The following CCDC122 variants were observed in gnomAD, a reference collection of about 807,000 sequenced individuals.
CCDC122 encodes the protein coiled-coil domain containing 122.
CCDC122 carries 38 observed loss-of-function variants against 37.0 expected under a neutral mutation model. The observed-to-expected ratio is 1.03, with a 90% confidence interval of 0.79 to 1.35. The LOEUF is 1.35. CCDC122 is among the 40% of genes most tolerant of loss of function. CCDC122 has a pLI of 0.00. For synonymous variants in CCDC122, 83 were observed against 95.6 expected, an observed-to-expected ratio of 0.87 and a Z score of 0.77; for missense variants, 305 against 310.0, an observed-to-expected ratio of 0.98 and a Z score of 0.12.
chr13:43,830,124 C>G (rs1456517221), intron 3 of CCDC122, among the ~76,000 whole-genome samples: 1 of 152,164 alleles, frequency 6.6e-6, no homozygotes, highest in Admixed American at 6.5e-5. Flanking sequence ...GATCCACCTG[C>G]CTCAGCCTCC....
At chr13:43,840,178 T>C (rs1036532725) in intron 6 of CCDC122, among the ~76,000 whole-genome samples, 9 of 152,150 alleles carry the variant, frequency 5.9e-5, no homozygotes, top group African/African-American at 1.7e-4. Flanking sequence ...GACTCAAATA[T>C]AGATGTACAG....
intron 2 of CCDC122, among the ~76,000 whole-genome samples, chr13:43,869,895 C>T (rs1954392425): frequency 6.6e-6 from 1 of 151,992 alleles, no homozygotes; most frequent in African/African-American, 2.4e-5. Context: ...GGTGTGGAAT[C>T]CAGGAAATAT....
downstream of CCDC122, among the ~76,000 whole-genome samples, chr13:43,835,432 C>T (rs1953138404): frequency 1.3e-5 from 2 of 151,922 alleles, no homozygotes; most frequent in African/African-American, 2.4e-5. Context: ...GCACATTGTG[C>T]ACATGTACCC....
intron 4 of CCDC122, among the ~76,000 whole-genome samples, chr13:43,867,925 T>C (rs1486609575): frequency 6.6e-6 from 1 of 152,088 alleles, no homozygotes; most frequent in African/African-American, 2.4e-5. Flanking sequence ...CAATGTCAAA[T>C]AGGGCCCTAC....
chr13:43,819,378 G>T (rs543503815), downstream of CCDC122, among the ~76,000 whole-genome samples: 2 of 152,192 alleles, frequency 1.3e-5, no homozygotes, highest in African/African-American at 4.8e-5. Context: ...AGAAAATGAC[G>T]TTTTCATGAG....
At chr13:43,862,754 GCTAT>G (rs1241371363) in intron 4 of CCDC122, among the ~76,000 whole-genome samples, 2 of 152,086 alleles carry the variant, frequency 1.3e-5, no homozygotes, top group Non-Finnish European at 1.5e-5. Context: ...GTTACATCAG[GCTAT>G]CTATCAACTC....
chr13:43,831,029 G>A (rs1345984829), intron 3 of CCDC122, among the ~76,000 whole-genome samples: 2 of 152,070 alleles, frequency 1.3e-5, no homozygotes, highest in Non-Finnish European at 2.9e-5. Context: ...ATTAGTGGAA[G>A]GTTAGAATAA....
chr13:43,845,161 A>G (rs1335134381), intron 6 of CCDC122, among the ~76,000 whole-genome samples: 3 of 152,100 alleles, frequency 2.0e-5, no homozygotes, highest in Non-Finnish European at 4.4e-5. Flanking sequence ...TGCTCTAGGA[A>G]TTTTAATATA....
chr13:43,824,120 A>T (rs1378211592), intron 3 of CCDC122: 1 of 152,250 alleles, frequency 6.6e-6, no homozygotes, highest in African/African-American at 2.4e-5. Context: ...AGTCAGTTCA[A>T]TATGAGTGAA....
At chr13:43,877,803 G>T in intron 1 of CCDC122, 1 of 152,100 alleles carries the variant, frequency 6.6e-6, no homozygotes, top group East Asian at 1.9e-4. Context: ...ATACATAGAG[G>T]TTAAAACAAA....
downstream of CCDC122, among the ~76,000 whole-genome samples, chr13:43,821,049 A>G (rs1035117746): frequency 6.6e-5 from 10 of 152,222 alleles, no homozygotes; most frequent in African/African-American, 2.4e-4. Context: ...CATAAGGTCC[A>G]GGATAAGCCA....
At chr13:43,838,261 G>C (rs1953227740) in intron 6 of CCDC122, among the ~76,000 whole-genome samples, 1 of 151,994 alleles carries the variant, frequency 6.6e-6, no homozygotes, top group South Asian at 2.1e-4. Context: ...TTTAACATCA[G>C]TTAAGAAAAA....
At chr13:43,846,875 AAG>A (rs67623199) in intron 6 of CCDC122, among the ~76,000 whole-genome samples, 56,979 of 151,920 alleles carry the variant, frequency 0.38, 10,930 homozygotes, top group East Asian at 0.53. Context: ...AAGAATCCAC[AAG>A]ACAGTATAAA....
At chr13:43,851,155 A>C (rs1302763643) in intron 6 of CCDC122, among the ~76,000 whole-genome samples, 2 of 152,228 alleles carry the variant, frequency 1.3e-5, no homozygotes, top group African/African-American at 4.8e-5. Flanking sequence ...AAAAAATAAA[A>C]GAATGTGTTA....
At chr13:43,878,293 T>C (rs1954718594) in intron 1 of CCDC122, 1 of 152,172 alleles carries the variant, frequency 6.6e-6, no homozygotes, top group South Asian at 2.1e-4. Context: ...CTAATGATAT[T>C]TAACATAAAC....
intron 1 of CCDC122, among the ~76,000 whole-genome samples, chr13:43,878,364 A>C (rs970730733): frequency 3.3e-5 from 5 of 152,186 alleles, no homozygotes; most frequent in African/African-American, 1.2e-4. Flanking sequence ...GGGCTCTTTA[A>C]CAAATGACCA....
At chr13:43,853,497 C>T (rs1384386580) in intron 6 of CCDC122, among the ~76,000 whole-genome samples, 2 of 152,130 alleles carry the variant, frequency 1.3e-5, no homozygotes, top group East Asian at 1.9e-4. Context: ...TAAGTAAGTT[C>T]TTAGAGACCT....
intron 2 of CCDC122, 98 bp from the exon 3 acceptor site, chr13:43,869,587 A>C (rs17065161): frequency 2.0e-6 from 1 of 493,154 alleles, no homozygotes; most frequent in Non-Finnish European, 3.5e-6. Flanking sequence ...GTGATTTTGG[A>C]ATGAAAGTAG....
chr13:43,866,035 T>G (rs2153877520), intron 4 of CCDC122, among the ~76,000 whole-genome samples: 1 of 152,242 alleles, frequency 6.6e-6, no homozygotes, highest in Admixed American at 6.5e-5. Context: ...AGACGACTAC[T>G]AAGTGACTAA....
Sources: allele counts gnomAD v4.1 joint callset (sites outside exome capture counted in the v4.1 genomes callset), GRCh38; gene constraint gnomAD v4.1.1; transcripts MANE v1.5; gene names NCBI Gene and HGNC (gene_info 2026-07-23, HGNC 2026-07-21).